PRKG1: variants seen among roughly 807,000 people sequenced by gnomAD.
PRKG1 encodes the protein cGMP-dependent protein kinase 1.
Under a neutral mutation model 88.1 loss-of-function variants are expected in PRKG1, and 35 were observed. That is an observed-to-expected ratio of 0.40 (90% CI 0.30 to 0.53). The LOEUF (loss-of-function observed/expected upper bound fraction) is 0.53. Among genes scored for constraint, PRKG1 ranks in the 20% least tolerant of loss-of-function variants. PRKG1 has a pLI of 0.59. For synonymous variants in PRKG1, 303 were observed against 292.5 expected (o/e 1.04, Z -0.37); for missense variants, 540 against 839.8 (o/e 0.64, Z 4.41).
At chr10:51,707,577 C>A (rs960041125) in intron 3 of PRKG1, among the ~76,000 whole-genome samples, 3 of 150,158 alleles carry the variant, frequency 2.0e-5, no homozygotes, top group African/African-American at 5.0e-5. Flanking sequence ...TTAAGTGGAA[C>A]AACGCATGAA....
chr10:51,177,640 A>T (rs959796602), intron 2 of PRKG1, among the ~76,000 whole-genome samples: 10 of 152,160 alleles, frequency 6.6e-5, no homozygotes, highest in Non-Finnish European at 1.3e-4. Flanking sequence ...ATTGTGAATT[A>T]TTGTTATTCC....
chr10:51,457,800 A>G (rs293282), intron 2 of PRKG1, among the ~76,000 whole-genome samples: 53,566 of 151,938 alleles, frequency 0.35, 10,509 homozygotes, highest in African/African-American at 0.51. Flanking sequence ...CAAATAGAGG[A>G]TTGTTCAGCA....
intron 2 of PRKG1, among the ~76,000 whole-genome samples, chr10:51,401,329 C>T (rs573384927): frequency 3.3e-5 from 5 of 152,274 alleles, no homozygotes; most frequent in African/African-American, 1.2e-4. Flanking sequence ...TAGTGACTAC[C>T]ATTTGGAAAG....
chr10:51,093,727 T>C (rs927220048), intron 1 of PRKG1, among the ~76,000 whole-genome samples: 1 of 147,092 alleles, frequency 6.8e-6, no homozygotes, highest in South Asian at 2.1e-4. Flanking sequence ...CATGTGTGTG[T>C]GTATTTTATA....
At chr10:51,097,864 C>T (rs2131875957) in intron 1 of PRKG1, among the ~76,000 whole-genome samples, 1 of 152,244 alleles carries the variant, frequency 6.6e-6, no homozygotes, top group Middle Eastern at 3.4e-3. Flanking sequence ...AATGCTTTAA[C>T]TCTTTTTTGG....
At chr10:51,665,690 T>G (rs1433431886) in intron 3 of PRKG1, among the ~76,000 whole-genome samples, 3 of 151,972 alleles carry the variant, frequency 2.0e-5, no homozygotes. Context: ...TTTTTTTTTG[T>G]CTTTCTACTC....
intron 2 of PRKG1, among the ~76,000 whole-genome samples, chr10:51,442,923 T>C (rs1402102949): frequency 6.6e-6 from 1 of 152,038 alleles, no homozygotes; most frequent in Non-Finnish European, 1.5e-5. Context: ...TTCAGTCAGA[T>C]GGCAACTAGG....
chr10:52,158,342 T>C (rs1461341065), intron 8 of PRKG1, among the ~76,000 whole-genome samples: 4 of 151,702 alleles, frequency 2.6e-5, no homozygotes, highest in African/African-American at 9.7e-5. Flanking sequence ...AGAAATGTCA[T>C]AGGACCTGAG....
chr10:52,099,657 A>G (rs1174223250), intron 7 of PRKG1, among the ~76,000 whole-genome samples: 1 of 152,200 alleles, frequency 6.6e-6, no homozygotes, highest in African/African-American at 2.4e-5. Context: ...TCTACATCAC[A>G]CAAAAGTAAA....
chr10:52,102,651 ATTC>A, intron 7 of PRKG1, among the ~76,000 whole-genome samples: 6 of 140,754 alleles, frequency 4.3e-5, no homozygotes, highest in Admixed American at 6.9e-5. Context: ...TCTTGGAGAC[ATTC>A]AAGAGCTAAC....
intron 5 of PRKG1, among the ~76,000 whole-genome samples, chr10:51,945,782 C>T (rs1368885171): frequency 5.3e-5 from 8 of 151,502 alleles, no homozygotes; most frequent in African/African-American, 2.0e-4. Flanking sequence ...TGAATATTGG[C>T]CCCCACTCTC....
At chr10:51,509,696 G>A (rs1841335019) in intron 3 of PRKG1, among the ~76,000 whole-genome samples, 1 of 152,058 alleles carries the variant, frequency 6.6e-6, no homozygotes, top group Non-Finnish European at 1.5e-5. Context: ...TACCTAATAT[G>A]GTCCACACAC....
At chr10:52,240,239 T>A (rs777950253) in intron 9 of PRKG1, among the ~76,000 whole-genome samples, 17 of 152,176 alleles carry the variant, frequency 1.1e-4, no homozygotes, top group Non-Finnish European at 2.2e-4. Flanking sequence ...TGAAACGCTG[T>A]GATGAAAATG....
chr10:51,324,765 A>G (rs1841546119), intron 2 of PRKG1, among the ~76,000 whole-genome samples: 1 of 150,218 alleles, frequency 6.7e-6, no homozygotes, highest in Middle Eastern at 3.2e-3. Context: ...CATTGTGTAT[A>G]TATCTAACAT....
chr10:51,224,882 A>G (rs970610424), intron 2 of PRKG1, among the ~76,000 whole-genome samples: 27 of 152,162 alleles, frequency 1.8e-4, no homozygotes, highest in African/African-American at 6.5e-4. Flanking sequence ...GGAATCATCC[A>G]ATTTGGAAAT....
chr10:51,996,979 G>T lies in PRKG1; in HGVS notation c.763-57505G>T, dbSNP rs541917525. Among the ~76,000 whole-genome samples the T allele has an allele frequency of 4.6e-5, 7 of 152,250 alleles. No individual in the cohort carries two copies. In the East Asian group the frequency reaches 1.4e-3, roughly 29 times the overall value. On this transcript the variant is annotated intron_variant, in intron 5 of 17. Coordinates refer to ENST00000373980, the MANE Select transcript of PRKG1 (RefSeq NM_006258.4). ...GAAATTCTGTTATTTGTGATAAAAT[G>T]AAGGAGCCTGAAGGTTATTAAGTGA...
Position 51,684,666 on chromosome 10 carries a change from C to T in PRKG1, c.593-119919C>T, listed in dbSNP as rs116165408. Among the ~76,000 whole-genome samples the T allele has an allele frequency of 5.2e-3, 794 of 151,930 alleles. 5 individuals carry two copies. Among genetic ancestry groups the T allele is most frequent in the African/African-American group, 0.018 (737 of 41,420 alleles). ...AACAGATAGTTTGAGCTAAGGAGTTCGAGACCACCCAGGTCATGGCAAAAC... is the reference window on the plus strand; with the variant it reads ...AACAGATAGTTTGAGCTAAGGAGTTTGAGACCACCCAGGTCATGGCAAAAC... On this transcript the variant is annotated intron_variant, in intron 3 of 17. Coordinates refer to ENST00000373980, the MANE Select transcript of PRKG1 (RefSeq NM_006258.4).
At chr10:51,663,669 A>T (rs1253640535) in intron 3 of PRKG1, among the ~76,000 whole-genome samples, 1 of 148,340 alleles carries the variant, frequency 6.7e-6, no homozygotes, top group Non-Finnish European at 1.5e-5. Flanking sequence ...GTGAGCTATG[A>T]TCAAGCCACT....
At chr10:51,839,946 C>T (rs1044132333) in intron 4 of PRKG1, among the ~76,000 whole-genome samples, 3 of 152,170 alleles carry the variant, frequency 2.0e-5, no homozygotes, top group Non-Finnish European at 2.9e-5. Context: ...CTTGAGGATG[C>T]CATTTTAACT....
Sources: gnomAD v4.1 joint callset for allele counts (sites outside exome capture counted in the v4.1 genomes callset) on GRCh38, gnomAD v4.1.1 for gene constraint, MANE v1.5 for transcripts, NCBI Gene and HGNC (gene_info 2026-07-23, HGNC 2026-07-21) for gene names.